The following PTPRD variants were observed in gnomAD, a reference collection of about 807,000 sequenced individuals.
PTPRD encodes the protein receptor-type tyrosine-protein phosphatase delta.
PTPRD carries 34 observed loss-of-function variants against 214.5 expected under a neutral mutation model. That is an observed-to-expected ratio of 0.16 (90% CI 0.12 to 0.21). The LOEUF (loss-of-function observed/expected upper bound fraction) is 0.21. Among genes scored for constraint, PTPRD ranks in the 10% least tolerant of loss-of-function variants. The pLI is 1.00. For missense variants in PTPRD, 2,545 were observed against 2,398.7 expected (o/e 1.06, Z -1.27); for synonymous variants, 1,128 against 845.7 (o/e 1.33, Z -5.79).
At chr9:9,899,551 A>G (rs1050264470) in intron 5 of PTPRD, among the ~76,000 whole-genome samples, 1 of 152,006 alleles carries the variant, frequency 6.6e-6, no homozygotes, top group African/African-American at 2.4e-5. Flanking sequence ...ATGAAAGATA[A>G]CCAGTGTTGG....
intron 10 of PTPRD, among the ~76,000 whole-genome samples, chr9:9,100,101 ATTAT>A (rs749717613): frequency 2.6e-5 from 4 of 152,152 alleles, no homozygotes; most frequent in African/African-American, 9.7e-5. Context: ...CAGAAAGTAG[ATTAT>A]TTATTTATTT....
At chr9:9,442,355 G>C (rs2088380610) in intron 8 of PTPRD, 1 of 152,196 alleles carries the variant, frequency 6.6e-6, no homozygotes, top group African/African-American at 2.4e-5. Context: ...TTTCGCCTGA[G>C]CTCATTACAG....
chr9:10,256,546 G>T (rs2093296981), intron 3 of PTPRD, among the ~76,000 whole-genome samples: 1 of 152,076 alleles, frequency 6.6e-6, no homozygotes, highest in African/African-American at 2.4e-5. Flanking sequence ...GTCATTATGT[G>T]GCACTTAACT....
At chr9:9,022,402 T>C (rs1006221015) in intron 10 of PTPRD, among the ~76,000 whole-genome samples, 3 of 152,094 alleles carry the variant, frequency 2.0e-5, no homozygotes, top group African/African-American at 7.2e-5. Flanking sequence ...TTTTTTATCT[T>C]TTATACCATA....
chr9:9,558,107 A>G (rs1238778911), intron 8 of PTPRD, among the ~76,000 whole-genome samples: 2 of 152,196 alleles, frequency 1.3e-5, no homozygotes, highest in Middle Eastern at 3.4e-3. Context: ...CATCTGCAAG[A>G]TGGACAGCTT....
At chr9:10,361,495 G>A (rs2097391044) in intron 2 of PTPRD, among the ~76,000 whole-genome samples, 1 of 151,900 alleles carries the variant, frequency 6.6e-6, no homozygotes, top group African/African-American at 2.4e-5. Flanking sequence ...TGTGGGGCAG[G>A]AAAAAAAGGG....
intron 9 of PTPRD, among the ~76,000 whole-genome samples, chr9:9,208,020 CTT>C (rs749709602): frequency 0.025 from 1,306 of 53,282 alleles, 107 homozygotes; most frequent in African/African-American, 0.067. Flanking sequence ...TATATATCTG[CTT>C]TTTTTTTTTT....
chr9:10,344,638 C>A (rs141097167), intron 2 of PTPRD, among the ~76,000 whole-genome samples: 1 of 152,016 alleles, frequency 6.6e-6, no homozygotes, highest in Non-Finnish European at 1.5e-5. Flanking sequence ...GCCATTTTCA[C>A]GATATTGATT....
intron 2 of PTPRD, among the ~76,000 whole-genome samples, chr9:10,420,068 A>G (rs1193232025): frequency 6.6e-6 from 1 of 151,762 alleles, no homozygotes; most frequent in Admixed American, 6.6e-5. Context: ...TAAGAATGAA[A>G]ATGATGATAA....
intron 5 of PTPRD, among the ~76,000 whole-genome samples, chr9:9,833,179 C>T (rs188560008): frequency 2.2e-4 from 33 of 152,074 alleles, no homozygotes; most frequent in Non-Finnish European, 4.1e-4. Context: ...ATCAGGGGAC[C>T]TGCCCCGATA....
intron 8 of PTPRD, among the ~76,000 whole-genome samples, chr9:9,523,880 T>C (rs2097055507): frequency 2.0e-5 from 3 of 152,150 alleles, no homozygotes; most frequent in African/African-American, 7.2e-5. Context: ...TCCTTTCTTT[T>C]GTAATACTCC....
chr9:9,174,133 GC>G lies in PTPRD; in HGVS notation c.-143+9170del, dbSNP rs574451679. On this transcript the variant is annotated intron_variant, in intron 10 of 45. Coordinates refer to ENST00000381196, the MANE Select transcript of PTPRD (RefSeq NM_002839.4). ...GAAATATATTTGTTTATACCATACA[GC>G]CCCCCCAAATAAAACATTACCAACA... Among the ~76,000 whole-genome samples, 362 of 151,908 alleles carry G rather than the reference GC, an allele frequency of 2.4e-3. 2 individuals carry two copies. Among genetic ancestry groups the G allele is most frequent in the Non-Finnish European group, 4.0e-3 (273 of 67,948 alleles).
intron 2 of PTPRD, among the ~76,000 whole-genome samples, chr9:10,430,792 G>A (rs1328063886): frequency 6.6e-6 from 1 of 151,846 alleles, no homozygotes; most frequent in Non-Finnish European, 1.5e-5. Context: ...ATTAGTACAT[G>A]GTAGGAGGCA....
At chr9:10,162,988 G>T (rs1167991964) in intron 3 of PTPRD, among the ~76,000 whole-genome samples, 1 of 150,684 alleles carries the variant, frequency 6.6e-6, no homozygotes, top group Non-Finnish European at 1.5e-5. Context: ...ATCTATATCT[G>T]TATCTATCTA....
chr9:10,064,617 CA>C (rs1226467804), intron 3 of PTPRD, among the ~76,000 whole-genome samples: 1 of 151,790 alleles, frequency 6.6e-6, no homozygotes, highest in East Asian at 1.9e-4. Flanking sequence ...TATTATTTCC[CA>C]AACATCCTCC....
intron 10 of PTPRD, among the ~76,000 whole-genome samples, chr9:9,115,309 T>A (rs181044119): frequency 3.9e-5 from 6 of 152,042 alleles, no homozygotes; most frequent in Non-Finnish European, 8.8e-5. Flanking sequence ...TAGAGGATAA[T>A]TATTTCCATG....
intron 10 of PTPRD, among the ~76,000 whole-genome samples, chr9:9,114,410 G>A (rs530180390): frequency 8.5e-5 from 13 of 152,260 alleles, no homozygotes; most frequent in African/African-American, 2.6e-4. Context: ...CCTATTCAGG[G>A]CTTGTACAAC....
intron 4 of PTPRD, among the ~76,000 whole-genome samples, chr9:10,004,640 GCACA>G (rs143285970): frequency 6.6e-6 from 1 of 150,504 alleles, no homozygotes; most frequent in Admixed American, 6.6e-5. Context: ...CACACACACC[GCACA>G]CACACACACA....
intron 7 of PTPRD, among the ~76,000 whole-genome samples, chr9:9,703,597 T>C (rs1013491513): frequency 2.1e-4 from 32 of 152,150 alleles, no homozygotes; most frequent in Admixed American, 9.2e-4. Context: ...GCATAGCATA[T>C]TAATTTAAAT....
Sources: gnomAD v4.1 joint callset for allele counts (sites outside exome capture counted in the v4.1 genomes callset) on GRCh38, gnomAD v4.1.1 for gene constraint, MANE v1.5 for transcripts, NCBI Gene and HGNC (gene_info 2026-07-23, HGNC 2026-07-21) for gene names.